Variants in IGDCC3 observed in about 807,000 individuals in gnomAD.
IGDCC3 encodes putative neuronal cell adhesion molecule.
Under a neutral mutation model 72.0 loss-of-function variants are expected in IGDCC3, and 47 were observed. That is an observed-to-expected ratio of 0.65 (90% confidence interval 0.52 to 0.83). IGDCC3 has a LOEUF of 0.83. Among genes scored for constraint, IGDCC3 ranks in the 40% least tolerant of loss-of-function variants. The pLI, the probability that IGDCC3 is intolerant of heterozygous loss-of-function variation, is 0.00. For synonymous variants in IGDCC3, 477 were observed against 472.8 expected (o/e 1.01, Z -0.11); for missense variants, 1,038 against 1,091.3 (o/e 0.95, Z 0.69).
At chr15:65,334,124 T>G (rs958830822) in intron 5 of IGDCC3, among the ~76,000 whole-genome samples, 1 of 151,878 alleles carries the variant, frequency 6.6e-6, no homozygotes, top group Admixed American at 6.6e-5. Context: ...GCTGCTACAA[T>G]GTGGCACAGT....
intron 2 of IGDCC3, chr15:65,356,011 G>A (rs1222699319): frequency 1.5e-5 from 4 of 273,268 alleles, no homozygotes; most frequent in Non-Finnish European, 3.0e-5. Context: ...CCCCGGACTC[G>A]CCCTCGTCCC....
At chr15:65,366,430 G>A (rs919421291) in intron 2 of IGDCC3, among the ~76,000 whole-genome samples, 17 of 152,040 alleles carry the variant, frequency 1.1e-4, no homozygotes, top group African/African-American at 3.9e-4. Flanking sequence ...GGAGGGAGGA[G>A]GAGCTGGAGA....
Position 65,331,668 on chromosome 15 carries a change from G to T in IGDCC3, c.1149-9C>A. 1.3e-6 allele frequency: 2 copies of T among 1,582,288 alleles called. No individual in the cohort carries two copies. The highest frequency in any genetic ancestry group is 1.7e-6 in the Non-Finnish European group (2 of 1,159,858). Reference sequence around the variant, plus strand: ...CAGAAATGGTCAGTGTGCTGCAGGGGAGAGAGACAGCCTCAGGTTCCCTCC... The same window carrying T: ...CAGAAATGGTCAGTGTGCTGCAGGGTAGAGAGACAGCCTCAGGTTCCCTCC... On this transcript the variant is annotated splice_polypyrimidine_tract_variant and intron_variant, in intron 7 of 13. Coordinates refer to ENST00000327987, the MANE Select transcript of IGDCC3 (RefSeq NM_004884.4).
intron 2 of IGDCC3, among the ~76,000 whole-genome samples, chr15:65,371,582 C>A (rs76435153): frequency 0.018 from 2,802 of 152,262 alleles, 30 homozygotes; most frequent in Middle Eastern, 0.037. Context: ...TTCAAAATCT[C>A]AATGTTATCA....
intron 9 of IGDCC3, 104 bp downstream of exon 9, chr15:65,330,946 C>T (rs1176445949): frequency 1.8e-5 from 25 of 1,369,578 alleles, no homozygotes; most frequent in Middle Eastern, 3.8e-4. Flanking sequence ...GCCTCAGGGC[C>T]GGGCACCCTG....
chr15:65,370,642 A>G (rs2091320553), intron 2 of IGDCC3, among the ~76,000 whole-genome samples: 1 of 145,102 alleles, frequency 6.9e-6, no homozygotes, highest in Non-Finnish European at 1.5e-5. Context: ...ATATATATAT[A>G]TATATAAAAT....
chr15:65,335,841 G>T lies in IGDCC3; in HGVS notation c.525C>A (p.Asn175Lys), dbSNP rs1282778717. Residue 175 changes from asparagine (N) to lysine (K), a missense_variant, in exon 3 of 14, where the codon AAC becomes AAA. Transcript: ENST00000327987. ...CATTGTCCGTGTCAATTGGGACTCT[G>T]TTCTTCTCCCAAGTGATCAGGGGTT... ...LPKPLITWEK[N>K]RVPIDTDNER... The T allele has an allele frequency of 1.9e-6, 3 of 1,614,046 alleles. No individual in the cohort carries two copies. The highest frequency in any genetic ancestry group is 2.5e-6 in the Non-Finnish European group (3 of 1,180,006).
intron 2 of IGDCC3, among the ~76,000 whole-genome samples, chr15:65,364,769 T>G (rs939226318): frequency 1.3e-5 from 2 of 152,102 alleles, no homozygotes; most frequent in Non-Finnish European, 2.9e-5. Context: ...TAGTCCCAGC[T>G]TTTTGGGAGG....
rs1555429861 is a variant in IGDCC3, at chr15:65,328,295, C to CTTTTTTT, written c.*607_*613dup. Reference sequence around the variant, plus strand: ...TTTCACACCTGGAAACGGGGAAGTGCTTTTTTTTTTTTTTTTTTTTTTACT... The same window carrying CTTTTTTT: ...TTTCACACCTGGAAACGGGGAAGTGCTTTTTTTTTTTTTTTTTTTTTTTTTTTTTACT... On this transcript the variant is annotated 3_prime_UTR_variant, in exon 14 of 14. Coordinates refer to ENST00000327987, the MANE Select transcript of IGDCC3 (RefSeq NM_004884.4). 3 of 71,900 alleles carry CTTTTTTT rather than the reference C, an allele frequency of 4.2e-5. No individual in the cohort carries two copies. The highest frequency in any genetic ancestry group is 1.0e-4 in the African/African-American group (2 of 19,054). 4.5% of individuals were successfully genotyped at this position (71,900 alleles called of 1,614,324 possible).
chr15:65,371,872 A>C (rs988303867), intron 2 of IGDCC3, among the ~76,000 whole-genome samples: 10 of 152,162 alleles, frequency 6.6e-5, no homozygotes, highest in African/African-American at 2.4e-4. Context: ...GGAGGGTCTC[A>C]CAGGCCAGGC....
intron 2 of IGDCC3, among the ~76,000 whole-genome samples, chr15:65,368,525 G>C (rs2091303557): frequency 6.6e-6 from 1 of 152,172 alleles, no homozygotes. Context: ...TTCTGCGGGT[G>C]GGGGTGAGTG....
At chr15:65,332,237 T>C in intron 6 of IGDCC3, 131 bp from the exon 7 acceptor site, 1 of 1,088,082 alleles carries the variant, frequency 9.2e-7, no homozygotes, top group Non-Finnish European at 1.3e-6. Flanking sequence ...ATCTGCCCCC[T>C]GGAGACTCCT....
chr15:65,349,720 C>CA (rs1165748076), intron 2 of IGDCC3, among the ~76,000 whole-genome samples: 1 of 152,132 alleles, frequency 6.6e-6, no homozygotes, highest in Non-Finnish European at 1.5e-5. Flanking sequence ...AACCACGTGG[C>CA]AGTACTTTCT....
At position 65,333,279 on chromosome 15, in the gene IGDCC3, T is replaced by C. The variant is rs1451577036; in HGVS notation, c.960A>G (p.Ala320=). 6.2e-7 allele frequency: 1 copy of C among 1,611,914 alleles called. No individual in the cohort carries two copies. The highest frequency in any genetic ancestry group is 1.1e-5 in the South Asian group (1 of 90,820). The part of the protein sequence containing the change: ...NRPGTRVRRT[A]QGRLVVQAPA... ...TACCTTGCACCACCAGCCGGCCCTG[T>C]GCCGTTCTCCTCACCCGGGTGCCAG... is the stretch of plus-strand genomic sequence containing the variant. The change falls in exon 6 of 14, where the codon GCA becomes GCG. Residue 320 remains alanine (A), a synonymous_variant. Coordinates refer to ENST00000327987, the MANE Select transcript of IGDCC3 (RefSeq NM_004884.4).
intron 2 of IGDCC3, among the ~76,000 whole-genome samples, chr15:65,352,258 T>C (rs775375600): frequency 1.3e-5 from 2 of 152,188 alleles, no homozygotes; most frequent in African/African-American, 4.8e-5. Flanking sequence ...ATTTGGAACA[T>C]ATTTGTTTCT....
At chr15:65,358,106 T>A (rs570479828) in intron 2 of IGDCC3, among the ~76,000 whole-genome samples, 113 of 49,334 alleles carry the variant, frequency 2.3e-3, no homozygotes, top group East Asian at 0.017. Flanking sequence ...CAAGACATAT[T>A]TTTTTTTTTT....
At chr15:65,369,569 C>G (rs971818762) in intron 2 of IGDCC3, among the ~76,000 whole-genome samples, 1 of 152,186 alleles carries the variant, frequency 6.6e-6, no homozygotes, top group Non-Finnish European at 1.5e-5. Flanking sequence ...CTGGGGACAG[C>G]AGCTTCCTGT....
At chr15:65,363,829 A>C (rs1016321917) in intron 2 of IGDCC3, among the ~76,000 whole-genome samples, 2 of 152,116 alleles carry the variant, frequency 1.3e-5, no homozygotes, top group African/African-American at 4.8e-5. Flanking sequence ...GGAGGGGGGA[A>C]TTTGTCTTTC....
chr15:65,334,659 G>T, intron 5 of IGDCC3, 69 bp downstream of exon 5: 1 of 1,364,950 alleles, frequency 7.3e-7, no homozygotes. Context: ...TGGGTGAGGA[G>T]TCTGAGACCG....
Sources: gnomAD v4.1 joint callset for allele counts (sites outside exome capture counted in the v4.1 genomes callset) on GRCh38, gnomAD v4.1.1 for gene constraint, MANE v1.5 for transcripts, NCBI Gene and HGNC (gene_info 2026-07-23, HGNC 2026-07-21) for gene names.